The following SEMA5B variants were observed in gnomAD, a reference collection of about 807,000 sequenced individuals.
SEMA5B encodes the protein semaphorin 5B.
Under a neutral mutation model 135.0 loss-of-function variants are expected in SEMA5B, and 66 were observed. The observed-to-expected ratio is 0.49, with a 90% confidence interval of 0.40 to 0.60. The LOEUF is 0.60. SEMA5B is among the 20% of genes least tolerant of loss of function. The probability of loss-of-function intolerance (pLI) is 0.00; values close to 1 mark genes in which losing one functional copy is unlikely to be tolerated. For synonymous variants in SEMA5B, 690 were observed against 639.5 expected, an observed-to-expected ratio of 1.08 and a Z score of -1.19; for missense variants, 1,501 against 1,566.3, an observed-to-expected ratio of 0.96 and a Z score of 0.70.
At chr3:122,946,835 G>A (rs1480256191) in intron 3 of SEMA5B, among the ~76,000 whole-genome samples, 1 of 152,128 alleles carries the variant, frequency 6.6e-6, no homozygotes, top group Non-Finnish European at 1.5e-5. Context: ...AGGGGAGAGG[G>A]GCATTCCTTC....
At chr3:122,968,464 G>T (rs1940967060) in intron 1 of SEMA5B, among the ~76,000 whole-genome samples, 1 of 152,206 alleles carries the variant, frequency 6.6e-6, no homozygotes, top group Admixed American at 6.5e-5. Flanking sequence ...CTAGTAGCGG[G>T]ATAGGATGGG....
At chr3:122,960,152 C>A (rs1223747036) in intron 2 of SEMA5B, among the ~76,000 whole-genome samples, 1 of 152,196 alleles carries the variant, frequency 6.6e-6, no homozygotes, top group Non-Finnish European at 1.5e-5. Flanking sequence ...CCTGGATTTT[C>A]TTGGGATTTC....
Position 122,913,299 on chromosome 3 carries a change from G to A in SEMA5B, c.2406C>T (p.Cys802=). The change falls in exon 17 of 23, where the codon TGC becomes TGT. Residue 802 remains cysteine, a synonymous_variant. Coordinates refer to ENST00000357599, the MANE Select transcript of SEMA5B (RefSeq NM_001031702.4). The part of the protein sequence containing the change: ...ARQEQRFRFT[C]RAPLADPHGL... ...CGTGCGGGTCTGCAAGGGGCGCGCGGCAGGTGAAGCGGAACCGCTGCTCCT... is the reference window on the plus strand; with the variant it reads ...CGTGCGGGTCTGCAAGGGGCGCGCGACAGGTGAAGCGGAACCGCTGCTCCT... 6.3e-7 allele frequency: 1 copy of A among 1,578,724 alleles called. No individual in the cohort carries two copies. The highest frequency in any genetic ancestry group is 8.5e-7 in the Non-Finnish European group (1 of 1,171,104).
chr3:122,931,773 T>C (rs1188696918), intron 5 of SEMA5B, among the ~76,000 whole-genome samples: 1 of 152,244 alleles, frequency 6.6e-6, no homozygotes, highest in Non-Finnish European at 1.5e-5. Flanking sequence ...GCCATTGACA[T>C]CATCCTGCAA....
chr3:122,999,995 A>G (rs1430735032), intron 1 of SEMA5B, among the ~76,000 whole-genome samples: 1 of 152,136 alleles, frequency 6.6e-6, no homozygotes, highest in African/African-American at 2.4e-5. Flanking sequence ...AGATCACGAG[A>G]TCAAGAGATT....
intron 1 of SEMA5B, among the ~76,000 whole-genome samples, chr3:122,978,852 C>A (rs1941425981): frequency 6.6e-6 from 1 of 152,118 alleles, no homozygotes. Flanking sequence ...CTATTCCAGG[C>A]CCCTTTTACA....
chr3:123,008,564 A>G (rs887155919), intron 1 of SEMA5B, among the ~76,000 whole-genome samples: 2 of 152,052 alleles, frequency 1.3e-5, no homozygotes, highest in African/African-American at 2.4e-5. Context: ...AGTGAGGACG[A>G]GGTGTGGAGG....
rs536755329 is a variant in SEMA5B, at chr3:123,010,286, CTT to C, written c.-39+17176_-39+17177del. Among the ~76,000 whole-genome samples, 278 of 152,294 alleles carry C rather than the reference CTT, an allele frequency of 1.8e-3. 1 individual carries two copies. The highest frequency in any genetic ancestry group is 6.6e-3 in the African/African-American group (274 of 41,552). Reference sequence around the variant, plus strand: ...GGAAGACAAGGGTTTAAAATTGCCTCTTAGTAGATGTATGACCTTGGTCATAC... The same window carrying C: ...GGAAGACAAGGGTTTAAAATTGCCTCAGTAGATGTATGACCTTGGTCATAC... On this transcript the variant is annotated intron_variant, in intron 1 of 22. Coordinates refer to ENST00000357599, the MANE Select transcript of SEMA5B (RefSeq NM_001031702.4).
intron 1 of SEMA5B, among the ~76,000 whole-genome samples, chr3:123,025,664 GA>G (rs1487824157): frequency 6.6e-6 from 1 of 152,094 alleles, no homozygotes; most frequent in Non-Finnish European, 1.5e-5. Flanking sequence ...AGCTCCCCCT[GA>G]AACCCACACT....
intron 1 of SEMA5B, among the ~76,000 whole-genome samples, chr3:122,964,698 T>A (rs1308423865): frequency 6.6e-6 from 1 of 152,198 alleles, no homozygotes; most frequent in African/African-American, 2.4e-5. Context: ...CTTTCTCCCT[T>A]TACCCTTTGC....
At chr3:123,015,295 C>T (rs115982290) in intron 1 of SEMA5B, among the ~76,000 whole-genome samples, 3,709 of 152,236 alleles carry the variant, frequency 0.024, 59 homozygotes, top group Non-Finnish European at 0.038. Flanking sequence ...TGGCTGAGTG[C>T]GTTATGTTAA....
intron 10 of SEMA5B, among the ~76,000 whole-genome samples, chr3:122,923,041 C>T (rs1010103064): frequency 6.6e-6 from 1 of 152,208 alleles, no homozygotes; most frequent in Non-Finnish European, 1.5e-5. Flanking sequence ...GATGGTAGGA[C>T]TGCAAAGCTT....
Position 122,913,623 on chromosome 3 carries a change from A to T in SEMA5B, c.2191T>A (p.Trp731Arg), listed in dbSNP as rs1226270887. The T allele has an allele frequency of 6.2e-7, 1 of 1,613,488 alleles. No individual in the cohort carries two copies. Among genetic ancestry groups the T allele is most frequent in the Non-Finnish European group, 8.5e-7 (1 of 1,179,950 alleles). ...CCACAGTTGCTGCTGCACTTGCTCC[A>T]GGAGCCCCAGGAAGCCCAGAAGATG... The part of the protein sequence containing the change: ...VPIFWASWGS[W>R]SKCSSNCGGG... Residue 731 changes from tryptophan to arginine, a missense_variant, in exon 16 of 23, where the codon TGG becomes AGG. Trp to Arg is a moderately radical substitution (Grantham distance 101). Coordinates refer to ENST00000357599, the MANE Select transcript of SEMA5B (RefSeq NM_001031702.4).
At chr3:122,915,922 A>T (rs1316884314) in intron 12 of SEMA5B, 32 bp from the exon 13 acceptor site, 2 of 1,569,058 alleles carry the variant, frequency 1.3e-6, no homozygotes, top group Non-Finnish European at 1.8e-6. Context: ...ATTCAAGCCC[A>T]CTGGCTTCCC....
intron 1 of SEMA5B, among the ~76,000 whole-genome samples, chr3:123,005,228 C>T (rs1942278787): frequency 6.6e-6 from 1 of 152,142 alleles, no homozygotes; most frequent in African/African-American, 2.4e-5. Context: ...GCATCAGGGT[C>T]CTCCCCAGCC....
upstream of SEMA5B, among the ~76,000 whole-genome samples, chr3:123,028,150 C>T (rs978506849): frequency 4.6e-5 from 7 of 152,184 alleles, no homozygotes; most frequent in African/African-American, 1.2e-4. Flanking sequence ...GCCTGCCCAC[C>T]CCAACACTCA....
intron 1 of SEMA5B, among the ~76,000 whole-genome samples, chr3:122,972,234 T>C (rs1401321308): frequency 6.6e-6 from 1 of 152,226 alleles, no homozygotes; most frequent in Non-Finnish European, 1.5e-5. Context: ...TGGTCTCCCC[T>C]GCTTTTCCAG....
intron 1 of SEMA5B, among the ~76,000 whole-genome samples, chr3:122,967,165 G>A (rs112243678): frequency 0.12 from 17,586 of 152,050 alleles, 1,881 homozygotes; most frequent in East Asian, 0.31. Context: ...GATTACAGGC[G>A]TGAGCCACTG....
chr3:122,916,468 C>T (rs1291878273), intron 12 of SEMA5B, among the ~76,000 whole-genome samples: 5 of 152,192 alleles, frequency 3.3e-5, no homozygotes, highest in African/African-American at 7.2e-5. Flanking sequence ...TGTTTAAAAG[C>T]TCCCTGGGTG....
Sources: allele counts gnomAD v4.1 joint callset (sites outside exome capture counted in the v4.1 genomes callset), GRCh38; gene constraint gnomAD v4.1.1; transcripts MANE v1.5; gene names NCBI Gene and HGNC (gene_info 2026-07-23, HGNC 2026-07-21).